PHLDB2: variants seen among roughly 807,000 people sequenced by gnomAD.
PHLDB2 encodes the protein pleckstrin homology like domain family B member 2.
In PHLDB2, 71 loss-of-function variants were observed where a neutral mutation model predicts 123.6. The observed-to-expected ratio is 0.57, with a 90% CI of 0.47 to 0.70. The LOEUF (loss-of-function observed/expected upper bound fraction) is 0.70, where lower values mean the gene tolerates loss of function less well. Ranked by LOEUF, PHLDB2 falls within the 30% of genes least tolerant of loss-of-function variation. The pLI is 0.00. For missense variants in PHLDB2, 1,446 were observed against 1,519.5 expected, an observed-to-expected ratio of 0.95 and a Z score of 0.80; for synonymous variants, 547 against 541.6, an observed-to-expected ratio of 1.01 and a Z score of -0.14.
intron 2 of PHLDB2, chr3:111,885,941 C>G: frequency 3.5e-6 from 1 of 289,052 alleles, no homozygotes; most frequent in Non-Finnish European, 6.4e-6. Context: ...ATCTTTAGCT[C>G]TGATTCTTAT....
intron 1 of PHLDB2, among the ~76,000 whole-genome samples, chr3:111,866,969 G>C (rs906334400): frequency 2.0e-5 from 3 of 149,046 alleles, no homozygotes; most frequent in African/African-American, 7.5e-5. Flanking sequence ...GTGTGTGTGT[G>C]TGTATTTTAA....
chr3:111,869,373 C>G (rs184116582), intron 1 of PHLDB2, among the ~76,000 whole-genome samples: 209 of 152,164 alleles, frequency 1.4e-3, no homozygotes, highest in African/African-American at 4.7e-3. Flanking sequence ...CCTGTAGCAT[C>G]CTTTGAGTCT....
intron 1 of PHLDB2, 168 bp from the exon 2 acceptor site, chr3:111,883,896 C>T: frequency 1.6e-6 from 1 of 608,112 alleles, no homozygotes; most frequent in South Asian, 2.2e-5. Context: ...CTTTATTCTC[C>T]TTTAATTTGC....
chr3:111,866,930 G>GTGTGTGT, intron 1 of PHLDB2, among the ~76,000 whole-genome samples: 1 of 126,066 alleles, frequency 7.9e-6, no homozygotes, highest in East Asian at 2.3e-4. Flanking sequence ...GTTTCTAAGG[G>GTGTGTGT]GTGTGTGTGT....
chr3:111,887,241 A>G (rs113230085), intron 2 of PHLDB2, among the ~76,000 whole-genome samples: 18 of 152,324 alleles, frequency 1.2e-4, no homozygotes, highest in African/African-American at 4.3e-4. Flanking sequence ...GTTAAGTCAT[A>G]AACAGTTTTG....
At chr3:111,752,268 A>G (rs1433745676) in intron 1 of PHLDB2, among the ~76,000 whole-genome samples, 3 of 146,156 alleles carry the variant, frequency 2.1e-5, no homozygotes, top group Admixed American at 6.8e-5. Context: ...GTGTGTGTGC[A>G]TTTTAAGACA....
intron 1 of PHLDB2, among the ~76,000 whole-genome samples, chr3:111,841,091 A>G (rs988901287): frequency 3.3e-5 from 5 of 151,908 alleles, no homozygotes; most frequent in Non-Finnish European, 7.4e-5. Context: ...ATTTTATTTA[A>G]TTAATTAATT....
intron 1 of PHLDB2, among the ~76,000 whole-genome samples, chr3:111,737,966 AC>A (rs1248030686): frequency 1.4e-4 from 21 of 152,082 alleles, no homozygotes; most frequent in Admixed American, 6.6e-4. Context: ...AGAAGAGAAA[AC>A]CCAGGAGAGG....
At chr3:111,961,943 T>G in intron 12 of PHLDB2, 165 bp from the exon 13 acceptor site, 1 of 662,122 alleles carries the variant, frequency 1.5e-6, no homozygotes, top group East Asian at 2.9e-5. Flanking sequence ...TTGCTTGCAC[T>G]GAGCACGGTG....
chr3:111,882,850 T>A (rs1356845733), intron 1 of PHLDB2, among the ~76,000 whole-genome samples: 1 of 152,206 alleles, frequency 6.6e-6, no homozygotes, highest in South Asian at 2.1e-4. Context: ...GGAAAGCTTA[T>A]GTTCATCAAG....
At chr3:111,890,826 T>C (rs1052847254) in intron 2 of PHLDB2, among the ~76,000 whole-genome samples, 2 of 152,226 alleles carry the variant, frequency 1.3e-5, no homozygotes, top group Non-Finnish European at 2.9e-5. Context: ...TTGAGATGTT[T>C]AGTTTGTTCC....
chr3:111,758,726 G>C (rs180865470), intron 1 of PHLDB2, among the ~76,000 whole-genome samples: 2 of 152,320 alleles, frequency 1.3e-5, no homozygotes, highest in East Asian at 3.9e-4. Flanking sequence ...GACTGGAGCT[G>C]TTCCTATTCG....
Position 111,882,947 on chromosome 3 carries a change from A to G in PHLDB2, c.-14-1117A>G, listed in dbSNP as rs549901898. 3.3e-5 allele frequency among the ~76,000 whole-genome samples: 5 copies of G among 152,338 alleles called. No homozygotes were observed. The South Asian group carries it at 6.2e-4, about 19-fold the overall frequency. ...TCTTCCTTAAACTTGTGGCCTAGTT[A>G]CAGAGACAACCACATTATGAAACCA... On this transcript the variant is annotated intron_variant, in intron 1 of 17. Transcript: ENST00000431670.
At chr3:111,956,509 C>A (rs774320811) in intron 12 of PHLDB2, among the ~76,000 whole-genome samples, 1 of 152,160 alleles carries the variant, frequency 6.6e-6, no homozygotes, top group South Asian at 2.1e-4. Context: ...TTTATTGATA[C>A]GTCCTTTATG....
At chr3:111,882,996 T>G (rs11925267) in intron 1 of PHLDB2, among the ~76,000 whole-genome samples, 1 of 152,184 alleles carries the variant, frequency 6.6e-6, no homozygotes, top group African/African-American at 2.4e-5. Flanking sequence ...GTGATACTGT[T>G]TATATATAGA....
At chr3:111,780,271 A>AGAAAGAAGAAGAAGAAGAAGAAG (rs34178824) in intron 1 of PHLDB2, among the ~76,000 whole-genome samples, 5 of 7,772 alleles carry the variant, frequency 6.4e-4, no homozygotes, top group African/African-American at 2.0e-3. Context: ...AAGAAGAAGA[A>AGAAAGAAGAAGAAGAAGAAGAAG]AAGAAGAAGA....
chr3:111,822,643 A>G (rs1277278680), intron 1 of PHLDB2, among the ~76,000 whole-genome samples: 1 of 152,146 alleles, frequency 6.6e-6, no homozygotes, highest in Non-Finnish European at 1.5e-5. Context: ...CTTTCCTATG[A>G]GCTCTGGTAA....
chr3:111,804,413 G>C (rs115778847), intron 1 of PHLDB2, among the ~76,000 whole-genome samples: 3,327 of 152,276 alleles, frequency 0.022, 48 homozygotes, highest in Non-Finnish European at 0.037. Context: ...ACAATTTCTT[G>C]ATTTCCTATG....
At chr3:111,767,529 C>T (rs1387185476) in intron 1 of PHLDB2, among the ~76,000 whole-genome samples, 1 of 152,188 alleles carries the variant, frequency 6.6e-6, no homozygotes, top group East Asian at 1.9e-4. Flanking sequence ...AATCATTTCA[C>T]CACTTTCTAG....
Sources: allele counts gnomAD v4.1 joint callset (sites outside exome capture counted in the v4.1 genomes callset), GRCh38; gene constraint gnomAD v4.1.1; transcripts MANE v1.5; gene names NCBI Gene and HGNC (gene_info 2026-07-23, HGNC 2026-07-21).